FRMD5: variants seen among roughly 807,000 people sequenced by gnomAD.
The protein encoded by FRMD5 is FERM domain-containing protein 5.
In FRMD5, 20 loss-of-function variants were observed where a neutral mutation model predicts 69.0. That is an observed-to-expected ratio of 0.29 (90% CI 0.20 to 0.42). The LOEUF is 0.42. Ranked by LOEUF, FRMD5 falls within the 10% of genes least tolerant of loss-of-function variation. The probability of loss-of-function intolerance (pLI) is 1.00; values close to 1 mark genes in which losing one functional copy is unlikely to be tolerated. For synonymous variants in FRMD5, 271 were observed against 260.1 expected (o/e 1.04, Z -0.40); for missense variants, 595 against 708.6 (o/e 0.84, Z 1.82).
At chr15:43,906,792 G>T (rs914393796) in intron 5 of FRMD5, among the ~76,000 whole-genome samples, 1 of 141,628 alleles carries the variant, frequency 7.1e-6, no homozygotes, top group African/African-American at 3.1e-5. Flanking sequence ...TAGTAGAGAC[G>T]GGGTTTCACC....
intron 2 of FRMD5, among the ~76,000 whole-genome samples, chr15:43,922,355 G>C (rs1002725192): frequency 6.6e-6 from 1 of 152,164 alleles, no homozygotes; most frequent in South Asian, 2.1e-4. Flanking sequence ...AATAACATAC[G>C]TGAAGCTCTT....
In FRMD5 at chr15:43,909,970, G is replaced by A. The variant is rs1349120122; in HGVS notation, c.339C>T (p.Val113=). 1 of 1,588,298 alleles carries A rather than the reference G, an allele frequency of 6.3e-7. No individual in the cohort carries two copies. The highest frequency in any genetic ancestry group is 8.6e-7 in the Non-Finnish European group (1 of 1,157,086). Residue 113 remains valine (V), a synonymous_variant, in exon 5 of 14, where the codon GTC becomes GTT. Transcript: ENST00000417257. ...AGAGATCCCTTTTGATCTGCAGGAA[G>A]ACTAAATACCTGGAGAGAAAACAGA... ...ALKEEITRYL[V]FLQIKRDLYH...
rs748131186 is a variant in FRMD5, at chr15:43,874,324, C to A, written c.1274G>T (p.Ser425Ile). The stretch of plus-strand genomic sequence containing the variant: ...GGTGGGCAGCACGCTGTCTGCAGGG[C>A]TGTAGGCCTCGTCTGCAATCACAGC... The part of the protein sequence containing the change: ...RVAVIADEAY[S>I]PADSVLPTPV... Residue 425 changes from serine (S) to isoleucine (I), a missense_variant, in exon 14 of 14, where the codon AGC becomes ATC. This residue lies in a region of FRMD5 where 245 missense variants were observed against 227.1 expected (regional missense o/e 1.08). Coordinates refer to ENST00000417257, the MANE Select transcript of FRMD5 (RefSeq NM_032892.5). The A allele has an allele frequency of 6.2e-7, 1 of 1,614,250 alleles. No individual in the cohort carries two copies. Among genetic ancestry groups the A allele is most frequent in the South Asian group, 1.1e-5 (1 of 91,084 alleles).
chr15:44,186,117 G>A (rs2078096739), intron 1 of FRMD5, among the ~76,000 whole-genome samples: 1 of 152,088 alleles, frequency 6.6e-6, no homozygotes, highest in African/African-American at 2.4e-5. Flanking sequence ...AGTAGAGACA[G>A]GGTTTCTCCA....
chr15:43,990,517 C>T (rs1019622446), intron 1 of FRMD5, among the ~76,000 whole-genome samples: 14 of 152,248 alleles, frequency 9.2e-5, no homozygotes, highest in Non-Finnish European at 1.6e-4. Context: ...TTTTGACACA[C>T]ATTTATGTAT....
At chr15:43,967,599 T>C (rs2090314781) in intron 1 of FRMD5, among the ~76,000 whole-genome samples, 1 of 152,194 alleles carries the variant, frequency 6.6e-6, no homozygotes, top group African/African-American at 2.4e-5. Flanking sequence ...ATTATTTCCA[T>C]TTTTCAAATG....
intron 1 of FRMD5, among the ~76,000 whole-genome samples, chr15:44,113,334 A>G (rs1346905650): frequency 2.0e-5 from 3 of 152,242 alleles, no homozygotes; most frequent in African/African-American, 7.2e-5. Flanking sequence ...TGGACTTTGA[A>G]GTCAGAAAAT....
At chr15:44,031,609 C>T (rs1000431653) in intron 1 of FRMD5, among the ~76,000 whole-genome samples, 3 of 152,078 alleles carry the variant, frequency 2.0e-5, no homozygotes, top group South Asian at 2.1e-4. Context: ...AACCACCTCC[C>T]GAAGGCCCCA....
intron 1 of FRMD5, among the ~76,000 whole-genome samples, chr15:43,990,777 A>G (rs886125899): frequency 5.5e-4 from 84 of 152,366 alleles, no homozygotes; most frequent in African/African-American, 2.0e-3. Context: ...CTGGCCATAG[A>G]AAAACTGTTT....
At chr15:44,177,967 A>G (rs1434837345) in intron 1 of FRMD5, among the ~76,000 whole-genome samples, 3 of 152,242 alleles carry the variant, frequency 2.0e-5, no homozygotes, top group Non-Finnish European at 4.4e-5. Context: ...CAAAATTCAT[A>G]GAACTGTACA....
intron 1 of FRMD5, among the ~76,000 whole-genome samples, chr15:44,015,698 T>C (rs1890926178): frequency 6.6e-6 from 1 of 152,130 alleles, no homozygotes; most frequent in Admixed American, 6.5e-5. Context: ...GGCTGCCAAG[T>C]CCACATGCTT....
chr15:43,964,342 T>C (rs908199680), intron 1 of FRMD5, among the ~76,000 whole-genome samples: 3 of 151,958 alleles, frequency 2.0e-5, no homozygotes, highest in Admixed American at 2.0e-4. Context: ...TTTTCTTTTT[T>C]CAAGCATGAA....
intron 1 of FRMD5, among the ~76,000 whole-genome samples, chr15:43,954,989 A>G (rs1460310406): frequency 6.6e-6 from 1 of 152,210 alleles, no homozygotes; most frequent in Non-Finnish European, 1.5e-5. Flanking sequence ...ACATGCTCCC[A>G]TTGCAAATCA....
intron 13 of FRMD5, among the ~76,000 whole-genome samples, chr15:43,877,658 C>A (rs550384531): frequency 6.6e-6 from 1 of 152,266 alleles, no homozygotes; most frequent in Non-Finnish European, 1.5e-5. Flanking sequence ...CCACAGCTCT[C>A]AATCTCTGCT....
chr15:44,004,920 A>T (rs764409825), intron 1 of FRMD5, among the ~76,000 whole-genome samples: 2 of 152,222 alleles, frequency 1.3e-5, no homozygotes, highest in Non-Finnish European at 2.9e-5. Context: ...TTAAAGTGCT[A>T]CTCCAGTGAT....
At chr15:44,182,535 T>C (rs2078023674) in intron 1 of FRMD5, among the ~76,000 whole-genome samples, 1 of 151,300 alleles carries the variant, frequency 6.6e-6, no homozygotes, top group Non-Finnish European at 1.5e-5. Context: ...TTCATCATGT[T>C]AGCCAGGATG....
intron 1 of FRMD5, among the ~76,000 whole-genome samples, chr15:43,997,561 T>C (rs944930639): frequency 1.3e-5 from 2 of 152,180 alleles, no homozygotes; most frequent in African/African-American, 4.8e-5. Flanking sequence ...GGAGAAACTG[T>C]CTCCTTGCCT....
At chr15:43,964,500 CAA>C (rs59698503) in intron 1 of FRMD5, among the ~76,000 whole-genome samples, 1 of 129,678 alleles carries the variant, frequency 7.7e-6, no homozygotes, top group African/African-American at 2.9e-5. Flanking sequence ...AACAAACAAA[CAA>C]AAAAAAAAAC....
chr15:44,032,020 C>A (rs1051499393), intron 1 of FRMD5, among the ~76,000 whole-genome samples: 2 of 151,928 alleles, frequency 1.3e-5, no homozygotes, highest in African/African-American at 4.8e-5. Context: ...ACCAATGGAA[C>A]AGAATAGAGA....
Sources: allele counts gnomAD v4.1 joint callset (sites outside exome capture counted in the v4.1 genomes callset), GRCh38; gene constraint gnomAD v4.1.1; regional missense constraint gnomAD v4.1.1; transcripts MANE v1.5; gene names NCBI Gene and HGNC (gene_info 2026-07-23, HGNC 2026-07-21).